The following DSCAM variants were observed in gnomAD, a reference collection of about 807,000 sequenced individuals.
DSCAM encodes DS cell adhesion molecule.
DSCAM carries 47 observed loss-of-function variants against 217.7 expected under a neutral mutation model. The observed-to-expected ratio is 0.22, with a 90% CI of 0.17 to 0.28. DSCAM has a LOEUF of 0.28. DSCAM is among the 10% of genes least tolerant of loss of function. DSCAM has a pLI of 1.00. For synonymous variants in DSCAM, 1,056 were observed against 1,015.3 expected (o/e 1.04, Z -0.76); for missense variants, 2,080 against 2,618.3 (o/e 0.79, Z 4.49).
chr21:40,320,973 G>T (rs572427747), intron 8 of DSCAM, among the ~76,000 whole-genome samples: 2 of 152,220 alleles, frequency 1.3e-5, no homozygotes, highest in Non-Finnish European at 2.9e-5. Flanking sequence ...GTTTATGAGA[G>T]TTCATAGATC....
In DSCAM at chr21:40,846,766, C is replaced by A; in HGVS notation, c.-105G>T. On this transcript the variant is annotated 5_prime_UTR_variant, in exon 1 of 33. Coordinates refer to ENST00000400454, the MANE Select transcript of DSCAM (RefSeq NM_001389.5). ...CGCTCGGCACCTGCCCGGGGGCCGC[C>A]GCCCGCCCGCCGCCCGCCGCCGCCG... 1 of 437,368 alleles carries A rather than the reference C, an allele frequency of 2.3e-6. No individual in the cohort carries two copies. The highest frequency in any genetic ancestry group is 8.9e-5 in the South Asian group (1 of 11,234). 27.1% of individuals were successfully genotyped at this position (437,368 alleles called of 1,614,324 possible).
At chr21:40,301,293 G>C (rs1330392802) in intron 9 of DSCAM, among the ~76,000 whole-genome samples, 1 of 152,140 alleles carries the variant, frequency 6.6e-6, no homozygotes, top group Non-Finnish European at 1.5e-5. Context: ...ATGGCCCTTT[G>C]GTATAATCCA....
At chr21:40,597,458 GTT>G (rs533148918) in intron 3 of DSCAM, among the ~76,000 whole-genome samples, 10 of 101,328 alleles carry the variant, frequency 9.9e-5, no homozygotes, top group Admixed American at 9.9e-5. Flanking sequence ...TTGCAAGCCG[GTT>G]TTTTTTTTTT....
intron 4 of DSCAM, among the ~76,000 whole-genome samples, chr21:40,362,027 G>T (rs565442411): frequency 1.3e-5 from 2 of 152,174 alleles, no homozygotes; most frequent in African/African-American, 4.8e-5. Context: ...GCGGTGTTTG[G>T]TTTTTTGTCC....
chr21:40,533,860 T>A (rs1407483420), intron 3 of DSCAM, among the ~76,000 whole-genome samples: 1 of 152,220 alleles, frequency 6.6e-6, no homozygotes, highest in East Asian at 1.9e-4. Context: ...GATTGGAACA[T>A]GTCATCACTC....
rs1384732689 is a variant in DSCAM at position 40,126,438 on chromosome 21, A to G, written c.3563-2110T>C. Among the ~76,000 whole-genome samples the G allele has an allele frequency of 2.6e-5, 4 of 152,220 alleles. No homozygotes were observed. The East Asian group carries it at 5.8e-4, about 22-fold the overall frequency. ...GAATGGGACATGTGGATTTGTCCCA[A>G]TTTGCAAACAGATCGTTGGTAAATG... is the stretch of plus-strand genomic sequence containing the variant. On this transcript the variant is annotated intron_variant, in intron 19 of 32. Transcript: ENST00000400454.
chr21:40,068,821 C>A (rs752114592), intron 27 of DSCAM, among the ~76,000 whole-genome samples: 1 of 152,172 alleles, frequency 6.6e-6, no homozygotes, highest in Non-Finnish European at 1.5e-5. Context: ...CGCAGTGGCT[C>A]ATGCCTATAA....
At chr21:40,638,649 G>C (rs1350615020) in intron 3 of DSCAM, among the ~76,000 whole-genome samples, 1 of 152,106 alleles carries the variant, frequency 6.6e-6, no homozygotes, top group Non-Finnish European at 1.5e-5. Context: ...TTACGGAATG[G>C]GTAGTACTCA....
intron 3 of DSCAM, among the ~76,000 whole-genome samples, chr21:40,398,979 T>C (rs767388802): frequency 2.6e-5 from 4 of 152,190 alleles, no homozygotes; most frequent in South Asian, 4.1e-4. Flanking sequence ...TTCAGCCAAA[T>C]TGGGGTCCAG....
At chr21:40,231,732 G>C (rs2091384204) in intron 11 of DSCAM, among the ~76,000 whole-genome samples, 2 of 151,954 alleles carry the variant, frequency 1.3e-5, no homozygotes, top group South Asian at 4.2e-4. Flanking sequence ...GGAACTCCTG[G>C]GCTCAAGTGA....
intron 27 of DSCAM, among the ~76,000 whole-genome samples, chr21:40,072,228 A>C (rs866245883): frequency 6.6e-6 from 1 of 152,210 alleles, no homozygotes; most frequent in Non-Finnish European, 1.5e-5. Flanking sequence ...CCTGGTAGAT[A>C]ATCTACAGTG....
At chr21:40,498,703 ATATATATGGGTG>A (rs1568854959) in intron 3 of DSCAM, among the ~76,000 whole-genome samples, 35 of 10,962 alleles carry the variant, frequency 3.2e-3, no homozygotes, top group South Asian at 6.1e-3. Flanking sequence ...ATATAGATAT[ATATATATGGGTG>A]TATATATATA....
chr21:40,286,432 G>T (rs1196289117), intron 10 of DSCAM, among the ~76,000 whole-genome samples: 2 of 152,176 alleles, frequency 1.3e-5, no homozygotes, highest in African/African-American at 2.4e-5. Flanking sequence ...ACATGCAAGG[G>T]CATACAGAGC....
rs1207304994 is a variant in DSCAM, at chr21:40,183,424, C to T, written c.2779+3707G>A. Among the ~76,000 whole-genome samples the T allele has an allele frequency of 2.0e-5, 3 of 152,196 alleles. No individual in the cohort carries two copies. The East Asian group carries it at 5.8e-4, about 29-fold the overall frequency. On this transcript the variant is annotated intron_variant, in intron 14 of 32. Coordinates refer to ENST00000400454, the MANE Select transcript of DSCAM (RefSeq NM_001389.5). The stretch of plus-strand genomic sequence containing the variant: ...AAGGGACAGCTTCACTGTGCCTGTG[C>T]CCGCTCAGATGACGCCTCTGGTGCT...
rs189346310 is a variant in DSCAM at position 40,723,238 on chromosome 21, T to C, written c.44-14467A>G. 2.1e-3 allele frequency among the ~76,000 whole-genome samples: 313 copies of C among 152,130 alleles called. 1 individual carries two copies. The highest frequency in any genetic ancestry group is 3.1e-3 in the Admixed American group (48 of 15,280). Reference sequence around the variant, plus strand: ...ATCTCACAGCTGTCATACACTAGGGTCTGGCCACGCTGGTCTCCTCAGTGT... The same window carrying C: ...ATCTCACAGCTGTCATACACTAGGGCCTGGCCACGCTGGTCTCCTCAGTGT... On this transcript the variant is annotated intron_variant, in intron 1 of 32. Coordinates refer to ENST00000400454, the MANE Select transcript of DSCAM (RefSeq NM_001389.5).
chr21:40,356,182 G>A (rs2074690650), intron 4 of DSCAM, among the ~76,000 whole-genome samples: 1 of 152,058 alleles, frequency 6.6e-6, no homozygotes, highest in South Asian at 2.1e-4. Context: ...AGGTAAAAGG[G>A]TACAAAGCTT....
At chr21:40,068,783 C>T (rs1033725802) in intron 27 of DSCAM, among the ~76,000 whole-genome samples, 3 of 152,098 alleles carry the variant, frequency 2.0e-5, no homozygotes, top group East Asian at 1.9e-4. Context: ...TCAGTTTTCA[C>T]GTCAGAAAAT....
intron 1 of DSCAM, among the ~76,000 whole-genome samples, chr21:40,731,985 A>G (rs1414750028): frequency 6.6e-6 from 1 of 152,036 alleles, no homozygotes; most frequent in African/African-American, 2.4e-5. Context: ...TTGGCCTCCT[A>G]AAGTGCTGGG....
chr21:40,653,422 AG>A (rs1411093685), intron 3 of DSCAM, among the ~76,000 whole-genome samples: 1 of 152,202 alleles, frequency 6.6e-6, no homozygotes, highest in Non-Finnish European at 1.5e-5. Context: ...GTGTCTCACA[AG>A]GCCATAGATG....
Sources: gnomAD v4.1 joint callset for allele counts (sites outside exome capture counted in the v4.1 genomes callset) on GRCh38, gnomAD v4.1.1 for gene constraint, MANE v1.5 for transcripts, NCBI Gene and HGNC (gene_info 2026-07-23, HGNC 2026-07-21) for gene names.